Variants in MYH8 observed in about 807,000 individuals in gnomAD.
MYH8 encodes myosin-8.
A neutral mutation model predicts 233.2 loss-of-function variants in MYH8; 168 were observed. That is an observed-to-expected ratio of 0.72 (90% confidence interval 0.64 to 0.82). The LOEUF (loss-of-function observed/expected upper bound fraction) is 0.82. Among genes scored for constraint, MYH8 ranks in the 40% least tolerant of loss-of-function variants. The pLI is 0.00. For synonymous variants in MYH8, 785 were observed against 850.6 expected (o/e 0.92, Z 1.34); for missense variants, 1,995 against 2,327.8 (o/e 0.86, Z 2.94).
rs2072105149 is a variant in MYH8 at position 10,398,897 on chromosome 17, T to C, written c.3863-11A>G. 2.5e-6 allele frequency: 4 copies of C among 1,605,280 alleles called. No individual in the cohort carries two copies. The highest frequency in any genetic ancestry group is 3.4e-6 in the Non-Finnish European group (4 of 1,175,764). On this transcript the variant is annotated splice_polypyrimidine_tract_variant and intron_variant, in intron 28 of 39. Transcript: ENST00000403437. ...GTCGAGAATATTCACCTAGGAATAA[T>C]AGACATAAGGGAATTTTTTACTGGC... is the stretch of plus-strand genomic sequence containing the variant.
At position 10,396,850 on chromosome 17, in the gene MYH8, T is replaced by G. The variant is rs960021077; in HGVS notation, c.4315A>C (p.Asn1439His). 24 of 1,614,084 alleles carry G rather than the reference T, an allele frequency of 1.5e-5. No individual in the cohort carries two copies. Among genetic ancestry groups the G allele is most frequent in the Non-Finnish European group, 1.9e-5 (22 of 1,180,044 alleles). ...EDLMLDVERS[N>H]AACAALDKKQ... ...TTATCAAGGGCTGCACAGGCTGCAT[T>G]AGACCTTTCCACATCAAGCATGAGG... The change falls in exon 31 of 40, where the codon AAT (asparagine) becomes CAT (histidine). Residue 1439 changes from asparagine to histidine, a missense_variant. Coordinates refer to ENST00000403437, the MANE Select transcript of MYH8 (RefSeq NM_002472.3). The surrounding 1 kb of genome is among the most constrained non-coding windows in gnomAD (Gnocchi z 4.2).
rs1439143145 is a variant in MYH8, at chr17:10,395,201, G to C, written c.4894C>G (p.Leu1632Val). The part of the protein sequence containing the change: ...EGDLNEMEIQ[L>V]NHANRLAAES... ...GCAGCTAAGCGATTGGCATGGTTCA[G>C]CTGGATTTCCATTTCATTCAGATCT... Residue 1632 changes from leucine to valine, a missense_variant, in exon 34 of 40, where the codon CTG becomes GTG. Coordinates refer to ENST00000403437, the MANE Select transcript of MYH8 (RefSeq NM_002472.3). 1 of 1,614,004 alleles carries C rather than the reference G, an allele frequency of 6.2e-7. No homozygotes were observed. The highest frequency in any genetic ancestry group is 1.7e-5 in the Admixed American group (1 of 59,996).
At position 10,409,402 on chromosome 17, in the gene MYH8, T is replaced by C; in HGVS notation, c.1774A>G (p.Asn592Asp). Residue 592 changes from asparagine (N) to aspartate (D), a missense_variant, in exon 16 of 40, where the codon AAC becomes GAC. This residue lies in a region of MYH8 where 1,498 missense variants were observed against 1,680.9 expected (regional missense o/e 0.89). Coordinates refer to ENST00000403437, the MANE Select transcript of MYH8 (RefSeq NM_002472.3). Reference protein sequence around the residue: ...LIHYAGTVDYNITGWLDKNKD... With the variant: ...LIHYAGTVDYDITGWLDKNKD... The stretch of plus-strand genomic sequence containing the variant: ...TTTTTGTCCAGCCAGCCAGTAATGT[T>C]GTAGTCCACAGTGCCAGCATAGTGA... 6.2e-7 allele frequency: 1 copy of C among 1,614,186 alleles called. No homozygotes were observed. The highest frequency in any genetic ancestry group is 1.1e-5 in the South Asian group (1 of 91,082).
At chr17:10,401,918 C>G in intron 22 of MYH8, 133 bp from the exon 23 acceptor site, 1 of 1,282,100 alleles carries the variant, frequency 7.8e-7, no homozygotes, top group Non-Finnish European at 1.1e-6. Flanking sequence ...TTAATTTAAT[C>G]GAACATTATT....
At chr17:10,397,169 C>T (rs555139195) in intron 30 of MYH8, among the ~76,000 whole-genome samples, 183 bp from the exon 31 acceptor site, 9 of 152,242 alleles carry the variant, frequency 5.9e-5, no homozygotes, top group African/African-American at 2.2e-4. Context: ...TGCGACCTCC[C>T]GGGTTCAAGC....
rs763684063 is a variant in MYH8 at position 10,391,952 on chromosome 17, A to T, written c.5594T>A (p.Leu1865His). ...YQTEEDRKNV[L>H]RLQDLVDKLQ... is the part of the protein sequence containing the mutation. ...TTTATCTACCAAGTCCTGCAGCCTG[A>T]GAACATTCTTGCGATCTTCTTCAGT... The change falls in exon 39 of 40, where the codon CTC (leucine) becomes CAC (histidine). Residue 1865 changes from leucine to histidine, a missense_variant. Around this residue, in one of 3 missense-constraint regions of MYH8, gnomAD observed 1,498 missense variants for 1,680.9 expected, o/e 0.89. Transcript: ENST00000403437. 5 of 1,614,158 alleles carry T rather than the reference A, an allele frequency of 3.1e-6. No homozygotes were observed. The East Asian group carries it at 8.9e-5, about 29-fold the overall frequency.
At position 10,400,242 on chromosome 17, in the gene MYH8, G is replaced by A. The variant is rs2072123749; in HGVS notation, c.3735+148C>T. The A allele has an allele frequency of 7.9e-6, 9 of 1,145,512 alleles. No individual in the cohort carries two copies. The highest frequency in any genetic ancestry group is 7.6e-5 in the African/African-American group (5 of 65,734). 71.0% of individuals were successfully genotyped at this position (1,145,512 alleles called of 1,614,324 possible). A position where few individuals can be genotyped will look rare whatever the true frequency, so the allele number is the denominator to read the frequency against. ...AAATCATCTTAATCGATCATAACCA[G>A]CATTTTAAAAAATACCATAGAATGG... On this transcript the variant is annotated intron_variant, in intron 27 of 39. Transcript: ENST00000403437. This position sits in a 1 kb window ranked among gnomAD's most constrained non-coding sequence, Gnocchi z 4.0.
At chr17:10,404,782 G>T (rs1031530459) in intron 21 of MYH8, among the ~76,000 whole-genome samples, 197 bp from the exon 22 acceptor site, 7 of 151,670 alleles carry the variant, frequency 4.6e-5, no homozygotes, top group East Asian at 3.9e-4. Flanking sequence ...CACACTCATG[G>T]TCAGTAGCCC....
intron 37 of MYH8, 48 bp from the exon 38 acceptor site, chr17:10,392,694 T>C (rs2072038313): frequency 6.2e-7 from 1 of 1,611,750 alleles, no homozygotes; most frequent in Non-Finnish European, 8.5e-7. Flanking sequence ...GGGATATTAA[T>C]TAGCCCAAGA....
rs1411423641 is a variant in MYH8 at position 10,400,587 on chromosome 17, C to T, written c.3538G>A (p.Asp1180Asn). Residue 1180 changes from aspartate (D) to asparagine (N), a missense_variant, in exon 27 of 40, where the codon GAC becomes AAC. Asp to Asn is a conservative substitution (Grantham distance 23, BLOSUM62 1). Around this residue, in one of 3 missense-constraint regions of MYH8, gnomAD observed 1,498 missense variants for 1,680.9 expected, o/e 0.89. Coordinates refer to ENST00000403437, the MANE Select transcript of MYH8 (RefSeq NM_002472.3). This position sits in a 1 kb window ranked among gnomAD's most constrained non-coding sequence, Gnocchi z 4.0. ...TGCTGCAGGGTGGCCTCCTCCAGGT[C>T]CCTGCGCAGTTTCTGAAACTCAGCC... Reference protein sequence around the residue: ...REAEFQKLRRDLEEATLQHEA... With the variant: ...REAEFQKLRRNLEEATLQHEA... 3 of 1,614,212 alleles carry T rather than the reference C, an allele frequency of 1.9e-6. No individual in the cohort carries two copies. In the African/African-American group the frequency reaches 4.0e-5, roughly 22 times the overall value.
chr17:10,419,890 C>T lies in MYH8; in HGVS notation c.210+128G>A. 2 of 1,065,736 alleles carry T rather than the reference C, an allele frequency of 1.9e-6. No homozygotes were observed. Among genetic ancestry groups the T allele is most frequent in the Non-Finnish European group, 2.9e-6 (2 of 692,078 alleles). The allele number at this position is 1,065,736 out of a possible 1,614,324, so 66.0% of individuals were successfully genotyped here. A position where few individuals can be genotyped will look rare whatever the true frequency, so the allele number is the denominator to read the frequency against. On this transcript the variant is annotated intron_variant, in intron 3 of 39. Transcript: ENST00000403437. This position sits in a 1 kb window ranked among gnomAD's most constrained non-coding sequence, Gnocchi z 4.0. ...TGTGAATTTCTTTTGCCTTCCACAT[C>T]TAATGTCTCAACACTGACTAGAAGG...
Position 10,419,156 on chromosome 17 carries a change from C to T in MYH8, c.211-126G>A. The stretch of plus-strand genomic sequence containing the variant: ...CACTGCAACCTCCGCCCTCCTGCTT[C>T]AAGTGATTGTCCTGCCTCAGCCTTC... On this transcript the variant is annotated intron_variant, in intron 3 of 39. Coordinates refer to ENST00000403437, the MANE Select transcript of MYH8 (RefSeq NM_002472.3). This position sits in a 1 kb window ranked among gnomAD's most constrained non-coding sequence, Gnocchi z 4.0. 2.7e-6 allele frequency: 3 copies of T among 1,119,976 alleles called. No homozygotes were observed. The highest frequency in any genetic ancestry group is 4.0e-6 in the Non-Finnish European group (3 of 757,074). 69.4% of individuals were successfully genotyped at this position (1,119,976 alleles called of 1,614,324 possible).
chr17:10,402,502 C>G (rs1472272276), intron 22 of MYH8, among the ~76,000 whole-genome samples: 2 of 152,028 alleles, frequency 1.3e-5, no homozygotes, highest in Non-Finnish European at 2.9e-5. Flanking sequence ...GTTAAACTTA[C>G]CGAATAGCTG....
At chr17:10,408,024 T>C (rs565085784) in intron 17 of MYH8, among the ~76,000 whole-genome samples, 1 of 149,902 alleles carries the variant, frequency 6.7e-6, no homozygotes, top group African/African-American at 2.5e-5. Context: ...CACTGCAACC[T>C]CTACCTCCTG....
At position 10,413,913 on chromosome 17, in the gene MYH8, T is replaced by G. The variant is rs372241085; in HGVS notation, c.1136A>C (p.Asp379Ala). The G allele has an allele frequency of 1.1e-5, 18 of 1,614,024 alleles. No homozygotes were observed. Among genetic ancestry groups the G allele is most frequent in the Non-Finnish European group, 1.4e-5 (17 of 1,180,034 alleles). The change falls in exon 12 of 40, where the codon GAT becomes GCT. Residue 379 changes from aspartate to alanine, a missense_variant. Asp to Ala is a moderately radical substitution (Grantham distance 126). This residue lies in a region of MYH8 where 479 missense variants were observed against 600.9 expected (regional missense o/e 0.80). Coordinates refer to ENST00000403437, the MANE Select transcript of MYH8 (RefSeq NM_002472.3). ...GTTTCATTTGGTACCTTCTGTGCCATCTGGCTCAGCTTGCTCCTCACGCTG... is the reference window on the plus strand; with the variant it reads ...GTTTCATTTGGTACCTTCTGTGCCAGCTGGCTCAGCTTGCTCCTCACGCTG... ...QKQREEQAEP[D>A]GTEVADKAAY...
At position 10,418,940 on chromosome 17, in the gene MYH8, C is replaced by T. The variant is rs1292287529; in HGVS notation, c.301G>A (p.Glu101Lys). The T allele has an allele frequency of 3.1e-6, 5 of 1,614,096 alleles. No individual in the cohort carries two copies. Among genetic ancestry groups the T allele is most frequent in the East Asian group, 4.5e-5 (2 of 44,884 alleles). The change falls in exon 4 of 40, where the codon GAG becomes AAG. Residue 101 changes from glutamate to lysine, a missense_variant. Around this residue, in one of 3 missense-constraint regions of MYH8, gnomAD observed 479 missense variants for 600.9 expected, o/e 0.80. Transcript: ENST00000403437. ...TTGAGGTTGTACAGCACTCCAGGCT[C>T]GTGTAGATGAGTCATCATGGCCATG... Reference protein sequence around the residue: ...EDMAMMTHLHEPGVLYNLKER... With the variant: ...EDMAMMTHLHKPGVLYNLKER...
chr17:10,418,823 T>C, intron 4 of MYH8, 22 bp from the exon 5 acceptor site: 2 of 1,613,882 alleles, frequency 1.2e-6, no homozygotes, highest in Non-Finnish European at 1.7e-6. Flanking sequence ...AGAACATTTA[T>C]CATTTGGATC....
At position 10,400,239 on chromosome 17, in the gene MYH8, C is replaced by T; in HGVS notation, c.3735+151G>A. On this transcript the variant is annotated intron_variant, in intron 27 of 39. Transcript: ENST00000403437. The surrounding 1 kb of genome is among the most constrained non-coding windows in gnomAD (Gnocchi z 4.0). ...AAAAAATCATCTTAATCGATCATAA[C>T]CAGCATTTTAAAAAATACCATAGAA... 6 of 1,132,974 alleles carry T rather than the reference C, an allele frequency of 5.3e-6. No homozygotes were observed. The highest frequency in any genetic ancestry group is 3.9e-5 in the South Asian group (3 of 77,056). 70.2% of individuals were successfully genotyped at this position (1,132,974 alleles called of 1,614,324 possible). A position where few individuals can be genotyped will look rare whatever the true frequency, so the allele number is the denominator to read the frequency against.
chr17:10,415,510 T>C lies in MYH8; in HGVS notation c.610A>G (p.Thr204Ala), dbSNP rs1404183109. Residue 204 changes from threonine to alanine, a missense_variant, in exon 7 of 40, where the codon ACT becomes GCT. This residue lies in a region of MYH8 where 479 missense variants were observed against 600.9 expected (regional missense o/e 0.80). Coordinates refer to ENST00000403437, the MANE Select transcript of MYH8 (RefSeq NM_002472.3). The surrounding 1 kb of genome is among the most constrained non-coding windows in gnomAD (Gnocchi z 4.1). ...VIQYFATIAV[T>A]GEKKKDESGK... ...GATTCATCCTTCTTCTTCTCTCCAG[T>C]AACTGCAATTGTTGCAAAGTATTGG... 3.1e-6 allele frequency: 5 copies of C among 1,614,120 alleles called. No homozygotes were observed. In the African/African-American group the frequency reaches 6.7e-5, roughly 22 times the overall value.
Sources: allele counts gnomAD v4.1 joint callset (sites outside exome capture counted in the v4.1 genomes callset), GRCh38; gene constraint gnomAD v4.1.1; regional missense constraint gnomAD v4.1.1; non-coding constraint Gnocchi (gnomAD v3.1); transcripts MANE v1.5; gene names NCBI Gene and HGNC (gene_info 2026-07-23, HGNC 2026-07-21).